The following EPHA6 variants were observed in gnomAD, a reference collection of about 807,000 sequenced individuals.
The protein encoded by EPHA6 is ephrin type-A receptor 6.
A neutral mutation model predicts 112.0 loss-of-function variants in EPHA6; 50 were observed. That is an observed-to-expected ratio of 0.45 (90% CI 0.36 to 0.56). The LOEUF (loss-of-function observed/expected upper bound fraction) is 0.56, where lower values mean the gene tolerates loss of function less well. EPHA6 is among the 20% of genes least tolerant of loss of function. The probability of loss-of-function intolerance (pLI) is 0.00; values close to 1 mark genes in which losing one functional copy is unlikely to be tolerated. For missense variants in EPHA6, 1,280 were observed against 1,417.4 expected (o/e 0.90, Z 1.56); for synonymous variants, 529 against 490.7 (o/e 1.08, Z -1.03).
chr3:97,116,339 A>G (rs1018016402), intron 3 of EPHA6, among the ~76,000 whole-genome samples: 7 of 151,728 alleles, frequency 4.6e-5, no homozygotes, highest in Non-Finnish European at 1.0e-4. Flanking sequence ...AACTTCACAT[A>G]GTTATATCTG....
intron 6 of EPHA6, among the ~76,000 whole-genome samples, chr3:97,433,320 TGAA>T (rs1294784140): frequency 6.6e-6 from 1 of 152,212 alleles, no homozygotes; most frequent in Non-Finnish European, 1.5e-5. Context: ...TGTTATTTGA[TGAA>T]GACTCAAAAT....
At chr3:97,352,466 T>C (rs1208963765) in intron 5 of EPHA6, among the ~76,000 whole-genome samples, 6 of 152,144 alleles carry the variant, frequency 3.9e-5, no homozygotes, top group Admixed American at 6.5e-5. Flanking sequence ...CCACATGGCA[T>C]AGAGAGAGTG....
intron 4 of EPHA6, among the ~76,000 whole-genome samples, chr3:97,234,296 T>A (rs1006468080): frequency 1.2e-4 from 18 of 152,194 alleles, no homozygotes; most frequent in African/African-American, 3.6e-4. Context: ...ACCTATAGTA[T>A]ATATTCAAAT....
chr3:97,571,712 A>T (rs925561276), intron 11 of EPHA6, among the ~76,000 whole-genome samples: 10 of 152,222 alleles, frequency 6.6e-5, no homozygotes, highest in Non-Finnish European at 1.2e-4. Context: ...CACACGTTAG[A>T]CCTGAATTCT....
intron 2 of EPHA6, among the ~76,000 whole-genome samples, chr3:96,908,439 C>A (rs1283116776): frequency 6.6e-6 from 1 of 151,920 alleles, no homozygotes; most frequent in African/African-American, 2.4e-5. Context: ...AAGTACTGAT[C>A]TGTATAGCTT....
At chr3:97,637,823 A>G (rs762732208) in intron 13 of EPHA6, 50 bp from the exon 14 acceptor site, 4 of 1,369,356 alleles carry the variant, frequency 2.9e-6, no homozygotes, top group Admixed American at 3.4e-5. Flanking sequence ...ACACACACGC[A>G]CACACTGCAT....
At chr3:97,501,956 T>C (rs941455780) in intron 10 of EPHA6, among the ~76,000 whole-genome samples, 2 of 151,934 alleles carry the variant, frequency 1.3e-5, no homozygotes. Flanking sequence ...GAAAGGAATA[T>C]TTAATGGAGA....
rs139395407 is a variant in EPHA6, at chr3:96,931,192, T to C, written c.451-56138T>C. ...CAGCCATTTTGTCTTAGATGGAAAT[T>C]AGAGCTCTGTTCATAGAAAACTGTC... On this transcript the variant is annotated intron_variant, in intron 2 of 17. Transcript: ENST00000389672. Among the ~76,000 whole-genome samples the C allele has an allele frequency of 5.1e-3, 771 of 152,098 alleles. 7 individuals carry two copies. Among genetic ancestry groups the C allele is most frequent in the African/African-American group, 0.018 (730 of 41,500 alleles).
chr3:97,341,197 A>T (rs1217298900), intron 5 of EPHA6, among the ~76,000 whole-genome samples: 1 of 152,158 alleles, frequency 6.6e-6, no homozygotes, highest in Non-Finnish European at 1.5e-5. Flanking sequence ...ACTGAAAGCA[A>T]TGGGCACGTT....
At chr3:97,710,890 C>T (rs2033931640) in intron 14 of EPHA6, among the ~76,000 whole-genome samples, 1 of 152,238 alleles carries the variant, frequency 6.6e-6, no homozygotes, top group Admixed American at 6.5e-5. Flanking sequence ...TTTGCAAATA[C>T]TACTAGTATA....
chr3:97,383,120 T>C (rs2085848337), intron 5 of EPHA6, among the ~76,000 whole-genome samples: 1 of 152,030 alleles, frequency 6.6e-6, no homozygotes, highest in Non-Finnish European at 1.5e-5. Context: ...GTTGATTCTG[T>C]AGTATTGAAA....
Position 97,014,676 on chromosome 3 carries a change from T to C in EPHA6, c.1114+26683T>C, listed in dbSNP as rs182726460. Among the ~76,000 whole-genome samples, 787 of 152,350 alleles carry C rather than the reference T, an allele frequency of 5.2e-3. 10 individuals carry two copies. Among genetic ancestry groups the C allele is most frequent in the African/African-American group, 0.017 (722 of 41,594 alleles). ...TACAAAATATATCATATAATAATTC[T>C]GTACCTACTAATGAAACATTGAAGA... On this transcript the variant is annotated intron_variant, in intron 3 of 17. Transcript: ENST00000389672.
intron 6 of EPHA6, among the ~76,000 whole-genome samples, chr3:97,427,838 C>T (rs758720505): frequency 1.3e-5 from 2 of 151,240 alleles, no homozygotes; most frequent in South Asian, 2.1e-4. Flanking sequence ...AAATACTGCA[C>T]GTTCTCACTT....
intron 11 of EPHA6, among the ~76,000 whole-genome samples, chr3:97,590,866 G>A (rs943223612): frequency 3.9e-5 from 6 of 152,156 alleles, no homozygotes; most frequent in Admixed American, 3.3e-4. Context: ...TTCATTACAA[G>A]TGTTATCTCA....
chr3:97,241,715 G>A (rs2078850918), intron 4 of EPHA6, among the ~76,000 whole-genome samples: 1 of 148,984 alleles, frequency 6.7e-6, no homozygotes, highest in Non-Finnish European at 1.5e-5. Flanking sequence ...CATGCAAATT[G>A]GTATGAGGGC....
intron 11 of EPHA6, among the ~76,000 whole-genome samples, chr3:97,533,768 A>T (rs1432566992): frequency 1.3e-5 from 2 of 152,086 alleles, no homozygotes; most frequent in African/African-American, 4.8e-5. Flanking sequence ...AGATGAGGCC[A>T]CATGCAGTAC....
intron 3 of EPHA6, among the ~76,000 whole-genome samples, chr3:97,016,141 G>T (rs1368200352): frequency 6.6e-6 from 1 of 151,912 alleles, no homozygotes; most frequent in Non-Finnish European, 1.5e-5. Flanking sequence ...TACCAAAGCA[G>T]CTTGCTGTAG....
intron 3 of EPHA6, among the ~76,000 whole-genome samples, chr3:97,161,651 AC>A (rs1485575698): frequency 6.6e-6 from 1 of 152,114 alleles, no homozygotes. Flanking sequence ...GTCAGATGCA[AC>A]AACTTACCCT....
chr3:96,877,748 A>G (rs2037058954), intron 2 of EPHA6, among the ~76,000 whole-genome samples: 1 of 151,884 alleles, frequency 6.6e-6, no homozygotes, highest in African/African-American at 2.4e-5. Context: ...ACTTGGTTTT[A>G]TTTTAGCAAA....
Sources: allele counts gnomAD v4.1 joint callset (sites outside exome capture counted in the v4.1 genomes callset), GRCh38; gene constraint gnomAD v4.1.1; transcripts MANE v1.5; gene names NCBI Gene and HGNC (gene_info 2026-07-23, HGNC 2026-07-21).